HSD17B4: variants seen among roughly 807,000 people sequenced by gnomAD.
HSD17B4 encodes the protein peroxisomal multifunctional enzyme type 2.
HSD17B4 carries 70 observed loss-of-function variants against 101.0 expected under a neutral mutation model. That is an observed-to-expected ratio of 0.69 (90% CI 0.57 to 0.85). The LOEUF is 0.85. Among genes scored for constraint, HSD17B4 ranks in the 40% least tolerant of loss-of-function variants. The pLI is 0.00. For missense variants in HSD17B4, 984 were observed against 892.4 expected (o/e 1.10, Z -1.31); for synonymous variants, 347 against 297.1 (o/e 1.17, Z -1.73).
chr5:119,541,231 T>C (rs1483779484), intron 23 of HSD17B4, among the ~76,000 whole-genome samples: 28 of 152,190 alleles, frequency 1.8e-4, no homozygotes, highest in Non-Finnish European at 1.5e-5. Flanking sequence ...ATTAATACTC[T>C]CTTATCACAT....
chr5:119,492,237 C>A, intron 10 of HSD17B4, 113 bp downstream of exon 10: 1 of 809,580 alleles, frequency 1.2e-6, no homozygotes. Context: ...GGATATAGTG[C>A]TTGCATATTC....
rs1044762772 is a variant in HSD17B4 at position 119,477,464 on chromosome 5, G to A, written c.397G>A (p.Ala133Thr). Reference sequence around the variant, plus strand: ...GCGGGGTTCATTCCAAGTGACACGGGCAGCATGGGAACACATGAAGAAACA... The same window carrying A: ...GCGGGGTTCATTCCAAGTGACACGGACAGCATGGGAACACATGAAGAAACA... ...HLRGSFQVTR[A>T]AWEHMKKQKY... The change falls in exon 7 of 24, where the codon GCA becomes ACA. Residue 133 changes from alanine (A) to threonine (T), a missense_variant. Transcript: ENST00000510025. The A allele has an allele frequency of 1.9e-6, 3 of 1,612,968 alleles. No individual in the cohort carries two copies. Among genetic ancestry groups the A allele is most frequent in the Non-Finnish European group, 2.5e-6 (3 of 1,179,068 alleles).
In HSD17B4 at chr5:119,529,877, T is replaced by A. The variant is rs946545338; in HGVS notation, c.1768-17T>A. 5 of 1,465,560 alleles carry A rather than the reference T, an allele frequency of 3.4e-6. No individual in the cohort carries two copies. Among genetic ancestry groups the A allele is most frequent in the African/African-American group, 1.4e-5 (1 of 71,728 alleles). 90.8% of individuals were successfully genotyped at this position (1,465,560 alleles called of 1,614,324 possible). A position where few individuals can be genotyped will look rare whatever the true frequency, so the allele number is the denominator to read the frequency against. ...TTGTAATCAGAATAAATCTTTTTTT[T>A]TTCTTCTCCTCCTAAGGTCCAAGAA... On this transcript the variant is annotated splice_polypyrimidine_tract_variant and intron_variant, in intron 20 of 23. Transcript: ENST00000510025.
intron 17 of HSD17B4, among the ~76,000 whole-genome samples, chr5:119,517,118 C>T (rs1291406542): frequency 2.0e-5 from 3 of 152,122 alleles, no homozygotes; most frequent in Non-Finnish European, 4.4e-5. Flanking sequence ...GAGGCGCTAG[C>T]GGGAACCGGG....
chr5:119,490,686 A>T (rs1750021342), intron 9 of HSD17B4, among the ~76,000 whole-genome samples: 1 of 152,074 alleles, frequency 6.6e-6, no homozygotes, highest in South Asian at 2.1e-4. Context: ...CTCCTGCCTT[A>T]GCCTCCTGAG....
chr5:119,495,311 G>A (rs1446258397), intron 11 of HSD17B4, among the ~76,000 whole-genome samples: 3 of 152,116 alleles, frequency 2.0e-5, no homozygotes, highest in African/African-American at 7.2e-5. Context: ...TTATTAAAAA[G>A]CTATCTAATT....
intron 18 of HSD17B4, 67 bp downstream of exon 18, chr5:119,525,352 A>T: frequency 2.1e-6 from 2 of 948,914 alleles, no homozygotes; most frequent in Non-Finnish European, 3.5e-6. Flanking sequence ...AATAATGTAA[A>T]GACACTACTA....
intron 2 of HSD17B4, among the ~76,000 whole-genome samples, chr5:119,470,402 G>A (rs1353042525): frequency 1.3e-5 from 2 of 152,092 alleles, no homozygotes; most frequent in African/African-American, 4.8e-5. Flanking sequence ...TACCAAAATG[G>A]TGTCATACTG....
chr5:119,483,233 G>A (rs1268380835), intron 8 of HSD17B4, among the ~76,000 whole-genome samples: 1 of 152,040 alleles, frequency 6.6e-6, no homozygotes, highest in Non-Finnish European at 1.5e-5. Flanking sequence ...GCAATTTGTC[G>A]GTTACTGTTT....
intron 16 of HSD17B4, among the ~76,000 whole-genome samples, chr5:119,514,039 A>G (rs576331456): frequency 1.3e-5 from 2 of 152,314 alleles, no homozygotes; most frequent in South Asian, 2.1e-4. Flanking sequence ...GATTGAAGTC[A>G]GGTCCTCCAA....
At chr5:119,481,440 T>C (rs1749121908) in intron 8 of HSD17B4, among the ~76,000 whole-genome samples, 1 of 152,184 alleles carries the variant, frequency 6.6e-6, no homozygotes, top group African/African-American at 2.4e-5. Flanking sequence ...GGCTTTTTTC[T>C]TTCAACACTT....
At chr5:119,480,167 A>G (rs530798942) in intron 8 of HSD17B4, among the ~76,000 whole-genome samples, 2 of 152,068 alleles carry the variant, frequency 1.3e-5, no homozygotes, top group South Asian at 4.2e-4. Context: ...CACATCTTTC[A>G]CCCATTTTTA....
chr5:119,500,985 G>T (rs565038441), intron 13 of HSD17B4, among the ~76,000 whole-genome samples: 4 of 152,150 alleles, frequency 2.6e-5, no homozygotes, highest in African/African-American at 9.7e-5. Context: ...TGGTGGATCA[G>T]TTAGCCCATT....
Position 119,542,324 on chromosome 5 carries a change from G to T in HSD17B4, c.*330G>T, listed in dbSNP as rs1755064747. ...GAAAATTAAATCAATAAAGGCCTTT[G>T]ATACCTTTGTTTTTTTGTGATTTTC... is the stretch of plus-strand genomic sequence containing the variant. On this transcript the variant is annotated 3_prime_UTR_variant, in exon 24 of 24. Coordinates refer to ENST00000510025, the MANE Select transcript of HSD17B4 (RefSeq NM_000414.4). The T allele has an allele frequency of 5.0e-6, 1 of 199,170 alleles. No individual in the cohort carries two copies. The highest frequency in any genetic ancestry group is 1.4e-4 in the East Asian group (1 of 7,396). 12.3% of individuals were successfully genotyped at this position (199,170 alleles called of 1,614,324 possible). A position where few individuals can be genotyped will look rare whatever the true frequency, so the allele number is the denominator to read the frequency against.
At chr5:119,534,224 A>T (rs1754355370) in intron 22 of HSD17B4, among the ~76,000 whole-genome samples, 1 of 152,032 alleles carries the variant, frequency 6.6e-6, no homozygotes, top group Non-Finnish European at 1.5e-5. Context: ...TGGAATTTAC[A>T]TTTAGTTGGC....
chr5:119,536,605 A>G (rs969396158), intron 23 of HSD17B4, 55 bp downstream of exon 23: 9 of 1,578,102 alleles, frequency 5.7e-6, no homozygotes, highest in Middle Eastern at 1.7e-4. Context: ...TCTTTTGACA[A>G]TTGCAGTTTT....
chr5:119,485,228 T>C (rs1749510812), intron 8 of HSD17B4, among the ~76,000 whole-genome samples: 1 of 152,172 alleles, frequency 6.6e-6, no homozygotes. Context: ...TCTAGACTTT[T>C]TGGGAAGCCG....
chr5:119,496,389 A>G (rs779181499), intron 11 of HSD17B4, among the ~76,000 whole-genome samples, 154 bp from the exon 12 acceptor site: 3 of 152,204 alleles, frequency 2.0e-5, no homozygotes, highest in African/African-American at 4.8e-5. Flanking sequence ...TTTTCCTTCA[A>G]TAGCCTGACA....
intron 13 of HSD17B4, among the ~76,000 whole-genome samples, chr5:119,500,859 C>T (rs1751092705): frequency 6.6e-6 from 1 of 152,070 alleles, no homozygotes; most frequent in Non-Finnish European, 1.5e-5. Context: ...TTCTTTGAGA[C>T]AGGGTATATT....
Sources: gnomAD v4.1 joint callset for allele counts (sites outside exome capture counted in the v4.1 genomes callset) on GRCh38, gnomAD v4.1.1 for gene constraint, MANE v1.5 for transcripts, NCBI Gene and HGNC (gene_info 2026-07-23, HGNC 2026-07-21) for gene names.